GET4: variants seen among roughly 807,000 people sequenced by gnomAD.
GET4 encodes the protein guided entry of tail-anchored proteins factor 4.
GET4 carries 20 observed loss-of-function variants against 40.0 expected under a neutral mutation model. That is an observed-to-expected ratio of 0.50 (90% CI 0.35 to 0.73). The LOEUF (loss-of-function observed/expected upper bound fraction) is 0.73. GET4 is among the 30% of genes least tolerant of loss of function. The probability of loss-of-function intolerance (pLI) is 0.01; values close to 1 mark genes in which losing one functional copy is unlikely to be tolerated. For synonymous variants in GET4, 280 were observed against 194.6 expected, an observed-to-expected ratio of 1.44 and a Z score of -3.65; for missense variants, 557 against 454.0, an observed-to-expected ratio of 1.23 and a Z score of -2.06.
chr7:893,705 C>T (rs1484724782), intron 6 of GET4, 35 bp from the exon 7 acceptor site: 16 of 1,442,866 alleles, frequency 1.1e-5, no homozygotes, highest in Non-Finnish European at 1.5e-5. Flanking sequence ...TCCTGTTCTG[C>T]TCACCCAGCA....
chr7:886,216 A>G lies in GET4; in HGVS notation c.234+82A>G, dbSNP rs1011479133. On this transcript the variant is annotated intron_variant, in intron 2 of 8. Transcript: ENST00000265857. The stretch of plus-strand genomic sequence containing the variant: ...TGGGAATGACCTCCCACCTCCACTG[A>G]TGGGCAACCTTGCGCTGCCCTGGGC... 1.2e-5 allele frequency: 11 copies of G among 906,756 alleles called. No homozygotes were observed. The East Asian group carries it at 1.4e-4, about 12-fold the overall frequency. The allele number at this position is 906,756 out of a possible 1,614,324, so 56.2% of individuals were successfully genotyped here.
Position 895,695 on chromosome 7 carries a change from C to G in GET4, c.*273C>G, listed in dbSNP as rs1235416452. 7.4e-6 allele frequency: 2 copies of G among 270,400 alleles called. No individual in the cohort carries two copies. Among genetic ancestry groups the G allele is most frequent in the Non-Finnish European group, 1.4e-5 (2 of 142,288 alleles). 16.8% of individuals were successfully genotyped at this position (270,400 alleles called of 1,614,324 possible). ...AAGCACAGGCCTTACCGCGGCGTCA[C>G]CCTCTCCCACTCCTTTGTTCTGGGT... On this transcript the variant is annotated 3_prime_UTR_variant, in exon 9 of 9. Transcript: ENST00000265857.
chr7:889,783 C>T (rs62430801), intron 4 of GET4, among the ~76,000 whole-genome samples: 928 of 21,382 alleles, frequency 0.043, 40 homozygotes, highest in East Asian at 0.073. Context: ...TAGGACGGGG[C>T]CTGGGAGTGG....
At position 885,973 on chromosome 7, in the gene GET4, T is replaced by G. The variant is rs985439101; in HGVS notation, c.156-83T>G. The G allele has an allele frequency of 1.0e-4, 90 of 868,710 alleles. 1 individual carries two copies. Among genetic ancestry groups the G allele is most frequent in the Non-Finnish European group, 2.5e-5 (13 of 517,850 alleles). 53.8% of individuals were successfully genotyped at this position (868,710 alleles called of 1,614,324 possible). Reference sequence around the variant, plus strand: ...GCCACCTGTTCCTGGGCGCCTTGTTTTTAGCTTCTGACCTGAAGATGAGCG... The same window carrying G: ...GCCACCTGTTCCTGGGCGCCTTGTTGTTAGCTTCTGACCTGAAGATGAGCG... On this transcript the variant is annotated intron_variant, in intron 1 of 8. Coordinates refer to ENST00000265857, the MANE Select transcript of GET4 (RefSeq NM_015949.3).
At chr7:891,846 C>T (rs553335415) in intron 5 of GET4, among the ~76,000 whole-genome samples, 12 of 152,376 alleles carry the variant, frequency 7.9e-5, no homozygotes, top group African/African-American at 2.9e-4. Flanking sequence ...TCTGGGCTGA[C>T]AGGGGCCCTG....
Position 889,066 on chromosome 7 carries a change from A to G in GET4, c.466+1547A>G, listed in dbSNP as rs529087292. Among the ~76,000 whole-genome samples the G allele has an allele frequency of 8.5e-5, 13 of 152,352 alleles. No homozygotes were observed. In the South Asian group the frequency reaches 2.5e-3, roughly 29 times the overall value. On this transcript the variant is annotated intron_variant, in intron 4 of 8. Coordinates refer to ENST00000265857, the MANE Select transcript of GET4 (RefSeq NM_015949.3). The stretch of plus-strand genomic sequence containing the variant: ...CATGGCAGCTCCTAAGATGGGTACA[A>G]GCGATCATAAGGAGGGATGTACGTG...
At chr7:879,328 T>G (rs1212712259) in intron 1 of GET4, among the ~76,000 whole-genome samples, 1 of 152,218 alleles carries the variant, frequency 6.6e-6, no homozygotes, top group Non-Finnish European at 1.5e-5. Flanking sequence ...GAAGGTGGAC[T>G]CAGCAGCCCC....
chr7:892,790 TATACAGGTGTGA>T (rs1387999424), intron 6 of GET4, among the ~76,000 whole-genome samples: 2 of 148,738 alleles, frequency 1.3e-5, no homozygotes, highest in African/African-American at 5.0e-5. Context: ...TGTAGACGTG[TATACAGGTGTGA>T]GTGCAGGTGT....
At chr7:886,489 T>C in intron 2 of GET4, 80 bp from the exon 3 acceptor site, 1 of 1,071,774 alleles carries the variant, frequency 9.3e-7, no homozygotes, top group South Asian at 1.3e-5. Context: ...TGGCTTCTGC[T>C]GGAAACCCAG....
chr7:879,909 G>T lies in GET4; in HGVS notation c.155+3109G>T, dbSNP rs1319405450. ...TTGTTCTTCAGGGATCAAGGCAAAGGTGTCAGGAGGCACTAAACCGTACAA... is the reference window on the plus strand; with the variant it reads ...TTGTTCTTCAGGGATCAAGGCAAAGTTGTCAGGAGGCACTAAACCGTACAA... On this transcript the variant is annotated intron_variant, in intron 1 of 8. Transcript: ENST00000265857. The T allele has an allele frequency of 2.0e-5, 3 of 152,254 alleles. No individual in the cohort carries two copies. The East Asian group carries it at 5.8e-4, about 29-fold the overall frequency. The allele number at this position is 152,254 out of a possible 1,614,324, so 9.4% of individuals were successfully genotyped here.
chr7:893,796 G>A lies in GET4; in HGVS notation c.803G>A (p.Arg268Gln), dbSNP rs761028399. 3 of 1,611,132 alleles carry A rather than the reference G, an allele frequency of 1.9e-6. No individual in the cohort carries two copies. Among genetic ancestry groups the A allele is most frequent in the East Asian group, 2.2e-5 (1 of 44,874 alleles). Residue 268 changes from arginine (R) to glutamine (Q), a missense_variant, in exon 7 of 9, where the codon CGG becomes CAG. By Grantham distance (43) the Arg-to-Gln change is conservative (BLOSUM62 1). Coordinates refer to ENST00000265857, the MANE Select transcript of GET4 (RefSeq NM_015949.3). Reference sequence around the variant, plus strand: ...GAGCAGTACCAGCCATCCCTCCGGCGGGACCCCATGTACAACGAGGTGAGA... The same window carrying A: ...GAGCAGTACCAGCCATCCCTCCGGCAGGACCCCATGTACAACGAGGTGAGA... Reference protein sequence around the residue: ...LCEQYQPSLRRDPMYNEYLDR... With the variant: ...LCEQYQPSLRQDPMYNEYLDR...
At chr7:878,005 C>T in intron 1 of GET4, 4 of 245,016 alleles carry the variant, frequency 1.6e-5, no homozygotes, top group South Asian at 8.7e-5. Flanking sequence ...CCGGGCCCTA[C>T]ACCGGGCTCC....
chr7:891,813 C>T (rs886451944), intron 5 of GET4, among the ~76,000 whole-genome samples: 1 of 152,238 alleles, frequency 6.6e-6, no homozygotes, highest in Non-Finnish European at 1.5e-5. Context: ...CCTGGCTCTG[C>T]GCTACGCCGT....
At chr7:880,333 C>T (rs1463627956) in intron 1 of GET4, 1 of 152,222 alleles carries the variant, frequency 6.6e-6, no homozygotes, top group African/African-American at 2.4e-5. Flanking sequence ...GAGAGAAACT[C>T]TGTCTCGATA....
chr7:894,561 A>G lies in GET4; in HGVS notation c.895+590A>G, dbSNP rs185597362. ...TGTCCTCCCCGGATGCCCCCCCCAG[A>G]CACCCTGGCCCTCACCGTGCCCCGT... On this transcript the variant is annotated intron_variant, in intron 8 of 8. Transcript: ENST00000265857. Among the ~76,000 whole-genome samples, 995 of 151,950 alleles carry G rather than the reference A, an allele frequency of 6.5e-3. 8 individuals are homozygous for G. The highest frequency in any genetic ancestry group is 0.024 in the Middle Eastern group (7 of 292).
intron 8 of GET4, among the ~76,000 whole-genome samples, chr7:894,411 G>GC (rs1424085838): frequency 6.6e-6 from 1 of 152,164 alleles, no homozygotes; most frequent in African/African-American, 2.4e-5. Context: ...CGCGGGAGAG[G>GC]CCCCTCACTG....
intron 1 of GET4, chr7:885,270 G>A (rs1365797199): frequency 6.6e-6 from 1 of 152,262 alleles, no homozygotes; most frequent in African/African-American, 2.4e-5. Context: ...CCACTGGACT[G>A]GGAGGTGCAG....
intron 1 of GET4, chr7:882,194 T>C (rs1844100049): frequency 6.6e-6 from 1 of 152,156 alleles, no homozygotes; most frequent in Non-Finnish European, 1.5e-5. Flanking sequence ...AACCCAGTAG[T>C]GGGGTTGCTG....
At position 895,377 on chromosome 7, in the gene GET4, T is replaced by C; in HGVS notation, c.939T>C (p.Asp313=). 1 of 1,601,012 alleles carries C rather than the reference T, an allele frequency of 6.2e-7. No individual in the cohort carries two copies. Among genetic ancestry groups the C allele is most frequent in the South Asian group, 1.1e-5 (1 of 90,374 alleles). The part of the protein sequence containing the change: ...TSLMGSSEQE[D]GEESPSDGSP... ...TCATGGGCTCCTCAGAGCAGGAGGA[T>C]GGGGAGGAGAGCCCCAGCGACGGCA... The change falls in exon 9 of 9, where the codon GAT becomes GAC. Residue 313 remains aspartate, a synonymous_variant. Coordinates refer to ENST00000265857, the MANE Select transcript of GET4 (RefSeq NM_015949.3).
Sources: allele counts gnomAD v4.1 joint callset (sites outside exome capture counted in the v4.1 genomes callset), GRCh38; gene constraint gnomAD v4.1.1; transcripts MANE v1.5; gene names NCBI Gene and HGNC (gene_info 2026-07-23, HGNC 2026-07-21).